The following ROBO1 variants were observed in gnomAD, a reference collection of about 807,000 sequenced individuals.
ROBO1 encodes the protein roundabout guidance receptor 1.
ROBO1 carries 149 observed loss-of-function variants against 195.9 expected under a neutral mutation model. The observed-to-expected ratio is 0.76, with a 90% CI of 0.67 to 0.87. ROBO1 has a LOEUF of 0.87. Ranked by LOEUF, ROBO1 falls within the 40% of genes least tolerant of loss-of-function variation. ROBO1 has a pLI of 0.00. For synonymous variants in ROBO1, 816 were observed against 733.2 expected, an observed-to-expected ratio of 1.11 and a Z score of -1.82; for missense variants, 1,933 against 2,068.3, an observed-to-expected ratio of 0.93 and a Z score of 1.27.
intron 1 of ROBO1, among the ~76,000 whole-genome samples, chr3:79,614,378 A>C (rs1457447321): frequency 6.6e-6 from 1 of 152,132 alleles, no homozygotes; most frequent in Non-Finnish European, 1.5e-5. Flanking sequence ...ACATGTATCC[A>C]AGGGAAAGTC....
intron 1 of ROBO1, among the ~76,000 whole-genome samples, chr3:79,740,547 A>G (rs1329739759): frequency 6.6e-6 from 1 of 152,142 alleles, no homozygotes; most frequent in African/African-American, 2.4e-5. Context: ...GTACCTCTTC[A>G]CAGGGTGGCA....
At chr3:79,018,642 G>A (rs2078018684) in intron 3 of ROBO1, 2 of 1,426,962 alleles carry the variant, frequency 1.4e-6, no homozygotes, top group Admixed American at 5.2e-5. Context: ...CAGTATCTCA[G>A]AGACTTTTGC....
At chr3:78,959,116 A>T (rs952146404) in intron 3 of ROBO1, among the ~76,000 whole-genome samples, 4 of 152,134 alleles carry the variant, frequency 2.6e-5, no homozygotes, top group African/African-American at 9.7e-5. Context: ...TTTCTTCTTA[A>T]TAAGTCAAGT....
chr3:79,182,220 C>T (rs1417653788), intron 2 of ROBO1, among the ~76,000 whole-genome samples: 2 of 152,136 alleles, frequency 1.3e-5, no homozygotes, highest in Non-Finnish European at 2.9e-5. Flanking sequence ...GCATCTATAG[C>T]TCTGTCCTTT....
chr3:78,800,872 AT>A (rs1233661490), intron 4 of ROBO1, among the ~76,000 whole-genome samples: 2 of 152,112 alleles, frequency 1.3e-5, no homozygotes, highest in Non-Finnish European at 2.9e-5. Context: ...CCTAAATGAA[AT>A]TTTTAAAAAA....
At chr3:79,654,349 A>G (rs985558544) in intron 1 of ROBO1, among the ~76,000 whole-genome samples, 2 of 152,022 alleles carry the variant, frequency 1.3e-5, no homozygotes, top group South Asian at 2.1e-4. Context: ...AGTGGCAAAC[A>G]GTGTTTCATA....
At chr3:78,747,927 T>C (rs2082696241) in intron 4 of ROBO1, among the ~76,000 whole-genome samples, 1 of 152,180 alleles carries the variant, frequency 6.6e-6, no homozygotes, top group Non-Finnish European at 1.5e-5. Context: ...ATCTTGAACA[T>C]AACTATTTAA....
intron 2 of ROBO1, among the ~76,000 whole-genome samples, chr3:79,296,038 A>T (rs1422835690): frequency 6.6e-6 from 1 of 152,186 alleles, no homozygotes; most frequent in Non-Finnish European, 1.5e-5. Context: ...AGACACAAGC[A>T]AGTATGAAAT....
At chr3:79,504,339 A>G (rs1271685499) in intron 2 of ROBO1, among the ~76,000 whole-genome samples, 1 of 152,112 alleles carries the variant, frequency 6.6e-6, no homozygotes, top group East Asian at 1.9e-4. Flanking sequence ...AGACTAATAT[A>G]AATGTATAAA....
At chr3:79,577,189 A>G (rs1467624703) in intron 2 of ROBO1, among the ~76,000 whole-genome samples, 1 of 152,220 alleles carries the variant, frequency 6.6e-6, no homozygotes, top group African/African-American at 2.4e-5. Flanking sequence ...TAATAGGAAT[A>G]TTACCATTTT....
At chr3:79,486,398 G>C (rs1434681971) in intron 2 of ROBO1, among the ~76,000 whole-genome samples, 2 of 152,024 alleles carry the variant, frequency 1.3e-5, no homozygotes, top group African/African-American at 2.4e-5. Flanking sequence ...ACCCCAGAGA[G>C]TGTTAAACTT....
chr3:78,750,049 G>T (rs2082749677), intron 4 of ROBO1, among the ~76,000 whole-genome samples: 1 of 152,070 alleles, frequency 6.6e-6, no homozygotes, highest in Non-Finnish European at 1.5e-5. Context: ...TATGTGTATA[G>T]TTAGGTACAT....
intron 2 of ROBO1, among the ~76,000 whole-genome samples, chr3:79,411,522 C>T (rs1054374822): frequency 6.6e-6 from 1 of 152,086 alleles, no homozygotes; most frequent in African/African-American, 2.4e-5. Context: ...ACCCTCAGGA[C>T]AAAGTGCTAA....
At position 79,364,271 on chromosome 3, in the gene ROBO1, C is replaced by CAT. The variant is rs763630261; in HGVS notation, c.88+225551_88+225552dup. On this transcript the variant is annotated intron_variant, in intron 2 of 30. Transcript: ENST00000464233. ...ATATATACATATATATACACACACACATATATATATATACACACACATATA... is the reference window on the plus strand; with the variant it reads ...ATATATACATATATATACACACACACATATATATATATATACACACACATATA... 1.5e-3 allele frequency among the ~76,000 whole-genome samples: 223 copies of CAT among 148,146 alleles called. 2 individuals carry two copies. In the East Asian group the frequency reaches 0.022, roughly 15 times the overall value.
chr3:79,500,639 G>C (rs931569158), intron 2 of ROBO1, among the ~76,000 whole-genome samples: 3 of 152,126 alleles, frequency 2.0e-5, no homozygotes, highest in African/African-American at 7.2e-5. Context: ...GCAACCTCTA[G>C]GAAACGCCTT....
In ROBO1 at chr3:79,550,195, G is replaced by GAAA; in HGVS notation, c.88+39628_88+39629insTTT. Among the ~76,000 whole-genome samples the GAAA allele has an allele frequency of 2.4e-3, 246 of 100,808 alleles. 8 individuals are homozygous for GAAA. Among genetic ancestry groups the GAAA allele is most frequent in the South Asian group, 0.012 (37 of 2,990 alleles). 66.1% of individuals were successfully genotyped at this position (100,808 alleles called of 152,430 possible). On this transcript the variant is annotated intron_variant, in intron 2 of 30. Transcript: ENST00000464233. ...AGAAAGAAAGAAAGAAAGAAAGAAA[G>GAAA]GAAAAGAAAAGAAAAGAAAAGAAAA... is the stretch of plus-strand genomic sequence containing the variant.
At chr3:79,676,964 G>A (rs183786477) in intron 1 of ROBO1, among the ~76,000 whole-genome samples, 5 of 152,030 alleles carry the variant, frequency 3.3e-5, no homozygotes, top group Admixed American at 1.3e-4. Context: ...GAGACTCTTG[G>A]GAACCTTGGG....
chr3:78,812,201 C>A (rs1390069333), intron 4 of ROBO1, among the ~76,000 whole-genome samples: 1 of 152,152 alleles, frequency 6.6e-6, no homozygotes, highest in Non-Finnish European at 1.5e-5. Flanking sequence ...ATGTTTCTCT[C>A]ACACTGTTCC....
chr3:79,039,540 G>C (rs910636382), intron 3 of ROBO1, among the ~76,000 whole-genome samples: 1 of 152,146 alleles, frequency 6.6e-6, no homozygotes, highest in African/African-American at 2.4e-5. Context: ...GCTCACGCCT[G>C]TAATCCTAAC....
Sources: allele counts gnomAD v4.1 joint callset (sites outside exome capture counted in the v4.1 genomes callset), GRCh38; gene constraint gnomAD v4.1.1; transcripts MANE v1.5; gene names NCBI Gene and HGNC (gene_info 2026-07-23, HGNC 2026-07-21).